The following TENM3 variants were observed in gnomAD, a reference collection of about 807,000 sequenced individuals.
The protein encoded by TENM3 is teneurin-3.
TENM3 carries 63 observed loss-of-function variants against 255.1 expected under a neutral mutation model. That is an observed-to-expected ratio of 0.25 (90% CI 0.20 to 0.30). The LOEUF is 0.30. Among genes scored for constraint, TENM3 ranks in the 10% least tolerant of loss-of-function variants. The pLI is 1.00. For missense variants in TENM3, 2,929 were observed against 3,461.1 expected (o/e 0.85, Z 3.86); for synonymous variants, 1,306 against 1,322.3 (o/e 0.99, Z 0.27).
the TENM3 span, among the ~76,000 whole-genome samples, chr4:181,475,637 T>C: frequency 6.6e-6 from 1 of 152,188 alleles, no homozygotes; most frequent in African/African-American, 2.4e-5. Flanking sequence ...CCTAGAGTTA[T>C]AGAAAATCAG....
rs115682377 is a variant in TENM3 at position 182,760,800 on chromosome 4, C to T, written c.4892+5541C>T. Among the ~76,000 whole-genome samples, 884 of 152,222 alleles carry T rather than the reference C, an allele frequency of 5.8e-3. 11 individuals carry two copies. Among genetic ancestry groups the T allele is most frequent in the African/African-American group, 0.02 (844 of 41,532 alleles). ...AACTTAACTCAGTGCCCATGGCAAACCCACGACTCCCACTGACATCAGTTC... is the reference window on the plus strand; with the variant it reads ...AACTTAACTCAGTGCCCATGGCAAATCCACGACTCCCACTGACATCAGTTC... On this transcript the variant is annotated intron_variant, in intron 22 of 27. Transcript: ENST00000511685.
At chr4:182,335,357 C>A in intron 2 of TENM3, among the ~76,000 whole-genome samples, 1 of 142,336 alleles carries the variant, frequency 7.0e-6, no homozygotes, top group South Asian at 2.3e-4. Context: ...TAGCCGGGCG[C>A]GGTGGCAGGC....
At chr4:181,809,432 G>A in the TENM3 span, among the ~76,000 whole-genome samples, 1 of 152,126 alleles carries the variant, frequency 6.6e-6, no homozygotes, top group East Asian at 1.9e-4. Context: ...ATTATCCACG[G>A]TTCGGGTGTT....
At chr4:181,917,721 G>C in the TENM3 span, among the ~76,000 whole-genome samples, 2 of 149,998 alleles carry the variant, frequency 1.3e-5, no homozygotes, top group Admixed American at 6.7e-5. Flanking sequence ...GAATGCAGTG[G>C]CATGATCTCA....
At chr4:182,238,356 T>C (rs1479359025) in intron 1 of TENM3, among the ~76,000 whole-genome samples, 3 of 152,318 alleles carry the variant, frequency 2.0e-5, no homozygotes, top group Admixed American at 2.0e-4. Flanking sequence ...TTGTAATTAT[T>C]CTTCTCTCTG....
the TENM3 span, chr4:181,906,576 A>G: frequency 6.6e-6 from 1 of 152,280 alleles, no homozygotes; most frequent in Non-Finnish European, 1.5e-5. Context: ...TAAGTGACGA[A>G]TCACAGACTT....
At chr4:181,568,436 C>G in the TENM3 span, among the ~76,000 whole-genome samples, 3 of 152,080 alleles carry the variant, frequency 2.0e-5, no homozygotes, top group African/African-American at 7.2e-5. Flanking sequence ...AGATGATCCA[C>G]CCCTCATCCT....
chr4:182,232,548 A>T (rs1036581296), intron 1 of TENM3, among the ~76,000 whole-genome samples: 2 of 152,150 alleles, frequency 1.3e-5, no homozygotes, highest in African/African-American at 2.4e-5. Flanking sequence ...ACATGGCGAA[A>T]CCCCATGTCT....
chr4:182,262,720 CTTTTTTTTTTTT>C (rs535703415), intron 1 of TENM3, among the ~76,000 whole-genome samples: 1 of 133,318 alleles, frequency 7.5e-6, no homozygotes, highest in Non-Finnish European at 1.6e-5. Flanking sequence ...CCTTTACTTT[CTTTTTTTTTTTT>C]TTTTTTTGAG....
At chr4:181,619,488 C>G in the TENM3 span, among the ~76,000 whole-genome samples, 1 of 152,164 alleles carries the variant, frequency 6.6e-6, no homozygotes, top group African/African-American at 2.4e-5. Flanking sequence ...GTGGCACGAT[C>G]ATTGCTCACT....
At chr4:181,640,467 A>G in the TENM3 span, among the ~76,000 whole-genome samples, 2 of 152,188 alleles carry the variant, frequency 1.3e-5, no homozygotes, top group African/African-American at 4.8e-5. Flanking sequence ...GCAGGCATCT[A>G]TTTACTTACA....
At chr4:182,656,273 C>T (rs1753738070) in intron 6 of TENM3, among the ~76,000 whole-genome samples, 3 of 152,214 alleles carry the variant, frequency 2.0e-5, no homozygotes, top group Admixed American at 2.0e-4. Flanking sequence ...CTATCTCTCT[C>T]TGGGCTCTGA....
rs529304425 is a variant in TENM3, at chr4:182,590,094, A to G, written c.512-10830A>G. 1.1e-4 allele frequency among the ~76,000 whole-genome samples: 16 copies of G among 152,338 alleles called. No homozygotes were observed. The South Asian group carries it at 3.3e-3, about 32-fold the overall frequency. On this transcript the variant is annotated intron_variant, in intron 3 of 27. Transcript: ENST00000511685. ...TTTCTTGGCTTGGGGTTCCAGAACCATAATGATAGTTTAAGTTTCAATCTA... is the reference window on the plus strand; with the variant it reads ...TTTCTTGGCTTGGGGTTCCAGAACCGTAATGATAGTTTAAGTTTCAATCTA...
intron 1 of TENM3, among the ~76,000 whole-genome samples, chr4:182,200,218 A>G (rs1754102646): frequency 6.6e-6 from 1 of 152,212 alleles, no homozygotes; most frequent in Non-Finnish European, 1.5e-5. Flanking sequence ...GAATCAGTCT[A>G]AATGGGCCAG....
intron 4 of TENM3, among the ~76,000 whole-genome samples, chr4:182,623,935 A>C (rs938888393): frequency 6.6e-6 from 1 of 152,118 alleles, no homozygotes; most frequent in East Asian, 1.9e-4. Context: ...CAGGCACAGG[A>C]ATCTCTGCGA....
At chr4:181,842,277 A>G in the TENM3 span, among the ~76,000 whole-genome samples, 1 of 152,176 alleles carries the variant, frequency 6.6e-6, no homozygotes, top group South Asian at 2.1e-4. Flanking sequence ...CAAGAGGGAA[A>G]TAAGCTACTG....
chr4:181,646,719 T>C, the TENM3 span, among the ~76,000 whole-genome samples: 1 of 152,172 alleles, frequency 6.6e-6, no homozygotes, highest in African/African-American at 2.4e-5. Context: ...CCGAGGCGCG[T>C]CTGACTCTGG....
At chr4:182,009,334 G>C in the TENM3 span, among the ~76,000 whole-genome samples, 1 of 152,112 alleles carries the variant, frequency 6.6e-6, no homozygotes, top group East Asian at 1.9e-4. Context: ...ACTACCAGGA[G>C]GCTCTCCTGG....
intron 1 of TENM3, among the ~76,000 whole-genome samples, chr4:182,222,919 G>A (rs938842455): frequency 2.0e-5 from 3 of 152,140 alleles, no homozygotes; most frequent in Admixed American, 6.6e-5. Flanking sequence ...GTCCCTAAGA[G>A]AGCCTCTGAA....
Sources: allele counts gnomAD v4.1 joint callset (sites outside exome capture counted in the v4.1 genomes callset), GRCh38; gene constraint gnomAD v4.1.1; transcripts MANE v1.5; gene names NCBI Gene and HGNC (gene_info 2026-07-23, HGNC 2026-07-21).